PCDH7: variants seen among roughly 807,000 people sequenced by gnomAD.
PCDH7 encodes the protein protocadherin 7, also known as protocadherin-7.
Under a neutral mutation model 58.9 loss-of-function variants are expected in PCDH7, and 17 were observed. The observed-to-expected ratio is 0.29, with a 90% CI of 0.20 to 0.43. The LOEUF (loss-of-function observed/expected upper bound fraction) is 0.43. Among genes scored for constraint, PCDH7 ranks in the 20% least tolerant of loss-of-function variants. PCDH7 has a pLI of 1.00. For synonymous variants in PCDH7, 664 were observed against 616.4 expected (o/e 1.08, Z -1.14); for missense variants, 1,274 against 1,441.0 (o/e 0.88, Z 1.88).
intron 1 of PCDH7, among the ~76,000 whole-genome samples, chr4:30,789,627 T>C (rs557271581): frequency 6.6e-6 from 1 of 152,238 alleles, no homozygotes; most frequent in Non-Finnish European, 1.5e-5. Flanking sequence ...CTCTGAAGCA[T>C]GCTGACTTGC....
chr4:31,067,406 T>C (rs987045156), intron 3 of PCDH7, among the ~76,000 whole-genome samples: 1 of 150,138 alleles, frequency 6.7e-6, no homozygotes, highest in Non-Finnish European at 1.5e-5. Context: ...CTAATTGGAA[T>C]TAGAAGAACC....
rs146315394 is a variant in PCDH7, at chr4:30,939,692, C to T, written c.288-10428C>T. Among the ~76,000 whole-genome samples the T allele has an allele frequency of 1.1e-4, 17 of 152,116 alleles. No homozygotes were observed. In the East Asian group the frequency reaches 1.5e-3, roughly 14 times the overall value. ...ACTGTCTCTATAAAGGAATTTAATA[C>T]GCACATTGGAGAATATTCCTGTAAT... On this transcript the variant is annotated intron_variant, in intron 2 of 3. Transcript: ENST00000509759.
At chr4:30,843,203 A>T (rs1166666430) in intron 1 of PCDH7, among the ~76,000 whole-genome samples, 1 of 150,992 alleles carries the variant, frequency 6.6e-6, no homozygotes, top group Non-Finnish European at 1.5e-5. Flanking sequence ...GAACTTTATT[A>T]TTTATTTATT....
At chr4:30,748,959 C>T (rs1577646259) in intron 1 of PCDH7, among the ~76,000 whole-genome samples, 1 of 152,128 alleles carries the variant, frequency 6.6e-6, no homozygotes, top group South Asian at 2.1e-4. Context: ...ATTCTTTCCT[C>T]TCTTACAACT....
intron 3 of PCDH7, among the ~76,000 whole-genome samples, chr4:31,051,638 A>T (rs1756737068): frequency 6.6e-6 from 1 of 152,164 alleles, no homozygotes; most frequent in African/African-American, 2.4e-5. Context: ...TTAATTCTTA[A>T]CAAGTAAAAT....
intron 3 of PCDH7, among the ~76,000 whole-genome samples, chr4:31,040,787 A>G (rs995773131): frequency 3.9e-5 from 6 of 152,162 alleles, no homozygotes; most frequent in African/African-American, 1.2e-4. Flanking sequence ...TCCCAGATAA[A>G]TCCCCTCTGG....
chr4:30,734,116 C>T (rs1405254980), downstream of PCDH7, among the ~76,000 whole-genome samples: 1 of 151,896 alleles, frequency 6.6e-6, no homozygotes, highest in Non-Finnish European at 1.5e-5. Flanking sequence ...GGGAGCAATT[C>T]CACAGTTGGA....
intron 3 of PCDH7, among the ~76,000 whole-genome samples, chr4:31,128,319 C>T (rs188554828): frequency 6.6e-6 from 1 of 152,104 alleles, no homozygotes. Flanking sequence ...TGATTATACC[C>T]ATTTTAAATG....
exon 2 of PCDH7, chr4:30,731,400 T>C (rs1253350180): frequency 6.6e-6 from 1 of 152,358 alleles, no homozygotes; most frequent in Non-Finnish European, 1.5e-5. Context: ...GCAATATTTA[T>C]AAAAATATTG....
chr4:30,877,615 TC>T (rs1263212555), intron 1 of PCDH7, among the ~76,000 whole-genome samples: 2 of 152,240 alleles, frequency 1.3e-5, no homozygotes, highest in African/African-American at 4.8e-5. Flanking sequence ...AATTTCCATT[TC>T]TAATATCAGT....
At chr4:30,959,475 C>T (rs1421969876) in intron 3 of PCDH7, among the ~76,000 whole-genome samples, 3 of 152,032 alleles carry the variant, frequency 2.0e-5, no homozygotes, top group Non-Finnish European at 4.4e-5. Context: ...CCTCTTATCA[C>T]TGAGCATTTT....
chr4:31,134,254 G>A (rs6827295), intron 3 of PCDH7, among the ~76,000 whole-genome samples: 2,183 of 151,922 alleles, frequency 0.014, 59 homozygotes, highest in African/African-American at 0.05. Flanking sequence ...GAGGTCAGGA[G>A]ATCGAGACCA....
intron 2 of PCDH7, among the ~76,000 whole-genome samples, chr4:30,945,469 A>G (rs1340863092): frequency 1.3e-5 from 2 of 152,166 alleles, no homozygotes; most frequent in Non-Finnish European, 2.9e-5. Flanking sequence ...CAGGAATACT[A>G]GAAACACTAT....
chr4:30,724,301 A>G, exon 1 of PCDH7: 1 of 1,613,926 alleles, frequency 6.2e-7, no homozygotes. Context: ...TCTAAGCCAA[A>G]TGGACAGAGG....
intron 3 of PCDH7, among the ~76,000 whole-genome samples, chr4:31,101,863 G>T (rs1031680503): frequency 6.6e-6 from 1 of 152,138 alleles, no homozygotes; most frequent in Non-Finnish European, 1.5e-5. Flanking sequence ...GTACACTCTC[G>T]TGGTAAAATA....
At chr4:31,059,731 C>A (rs1283496033) in intron 3 of PCDH7, among the ~76,000 whole-genome samples, 1 of 151,636 alleles carries the variant, frequency 6.6e-6, no homozygotes, top group Non-Finnish European at 1.5e-5. Flanking sequence ...TTTCTAATAA[C>A]CCAAATAAAT....
chr4:31,069,872 A>ATTTGATTGTT (rs1256238099), intron 3 of PCDH7, among the ~76,000 whole-genome samples: 1 of 151,380 alleles, frequency 6.6e-6, no homozygotes, highest in Non-Finnish European at 1.5e-5. Flanking sequence ...AATTTTCTCC[A>ATTTGATTGTT]CTTGATTCAT....
At chr4:30,914,085 AGAG>A (rs992977732) in intron 1 of PCDH7, among the ~76,000 whole-genome samples, 2 of 152,166 alleles carry the variant, frequency 1.3e-5, no homozygotes, top group African/African-American at 4.8e-5. Flanking sequence ...CATGGCAGAT[AGAG>A]GACCTCTCCC....
rs147586883 is a variant in PCDH7, at chr4:31,025,990, T to C, written c.*7+75775T>C. Among the ~76,000 whole-genome samples, 291 of 152,334 alleles carry C rather than the reference T, an allele frequency of 1.9e-3. 8 individuals carry two copies. The South Asian group carries it at 0.035, about 18-fold the overall frequency. ...AACCACTTGTGGGTATACATGTTTT[T>C]TGAATTTCACATAGCTATAATTACT... On this transcript the variant is annotated intron_variant, in intron 3 of 3. Coordinates refer to the PCDH7 transcript ENST00000509759.
Sources: gnomAD v4.1 joint callset for allele counts (sites outside exome capture counted in the v4.1 genomes callset) on GRCh38, gnomAD v4.1.1 for gene constraint, MANE v1.5 for transcripts, NCBI Gene and HGNC (gene_info 2026-07-23, HGNC 2026-07-21) for gene names.